The following ZFHX4 variants were observed in gnomAD, a reference collection of about 807,000 sequenced individuals.
ZFHX4 encodes the protein zinc finger homeobox protein 4.
In ZFHX4, 56 loss-of-function variants were observed where a neutral mutation model predicts 267.6. The observed-to-expected ratio is 0.21, with a 90% confidence interval of 0.17 to 0.26. The LOEUF is 0.26. Ranked by LOEUF, ZFHX4 falls within the 10% of genes least tolerant of loss-of-function variation. The pLI, the probability that ZFHX4 is intolerant of heterozygous loss-of-function variation, is 1.00. For synonymous variants in ZFHX4, 1,778 were observed against 1,665.6 expected (o/e 1.07, Z -1.64); for missense variants, 4,332 against 4,420.0 (o/e 0.98, Z 0.56).
intron 5 of ZFHX4, among the ~76,000 whole-genome samples, chr8:76,839,649 GTAATA>G (rs1812183980): frequency 6.6e-6 from 1 of 152,152 alleles, no homozygotes; most frequent in Admixed American, 6.5e-5. Context: ...ATTATTGCAT[GTAATA>G]TATTAGTGAA....
chr8:76,839,650 T>C (rs1812183901), intron 5 of ZFHX4, among the ~76,000 whole-genome samples: 2 of 152,248 alleles, frequency 1.3e-5, no homozygotes, highest in South Asian at 4.1e-4. Context: ...TTATTGCATG[T>C]AATATATTAG....
chr8:76,842,806 C>T (rs1563553273), intron 6 of ZFHX4, 35 bp downstream of exon 6: 1 of 1,448,012 alleles, frequency 6.9e-7, no homozygotes. Context: ...CGGCATTTCC[C>T]TATACCCATT....
rs183778578 is a variant in ZFHX4, at chr8:76,721,122, T to C, written c.3093+13074T>C. 9.2e-5 allele frequency among the ~76,000 whole-genome samples: 14 copies of C among 152,178 alleles called. No homozygotes were observed. In the East Asian group the frequency reaches 2.7e-3, roughly 29 times the overall value. ...ATCTCCTGAGGTAGGAAGAAAAGAA[T>C]GAATGATGAGAAAGGTAAAGATTTA... On this transcript the variant is annotated intron_variant, in intron 3 of 10. Coordinates refer to ENST00000651372, the MANE Select transcript of ZFHX4 (RefSeq NM_024721.5).
intron 3 of ZFHX4, among the ~76,000 whole-genome samples, chr8:76,736,731 T>C (rs1408714258): frequency 2.6e-5 from 4 of 152,148 alleles, no homozygotes; most frequent in Admixed American, 2.0e-4. Context: ...CCATATAGAA[T>C]TGATTTTTGA....
chr8:76,854,208 GC>G lies in ZFHX4; in HGVS notation c.7289del (p.Pro2430HisfsTer2). ...CTTCTCAAGGCACCAAACCAGCCCT[GC>G]CATTAGCATCGACTTCCTCGGACCC... ...PPSQGTKPAL[P>X]LASTSSDPPQ... On this transcript the variant is annotated frameshift_variant, in exon 10 of 11. Transcript: ENST00000651372. LOFTEE classifies it high-confidence loss of function. The G allele has an allele frequency of 6.4e-7, 1 of 1,568,776 alleles. No individual in the cohort carries two copies. Among genetic ancestry groups the G allele is most frequent in the South Asian group, 1.2e-5 (1 of 86,556 alleles).
rs555581357 is a variant in ZFHX4 at position 76,860,362 on chromosome 8, T to C, written c.9380-2732T>C. Among the ~76,000 whole-genome samples the C allele has an allele frequency of 2.0e-5, 3 of 152,186 alleles. No homozygotes were observed. In the East Asian group the frequency reaches 5.8e-4, roughly 29 times the overall value. On this transcript the variant is annotated intron_variant, in intron 10 of 10. Coordinates refer to ENST00000651372, the MANE Select transcript of ZFHX4 (RefSeq NM_024721.5). The stretch of plus-strand genomic sequence containing the variant: ...GGATTATTTGGGATTCCTATTGCAG[T>C]CTTCTAAAAATCTTTATTACTTCAT...
At chr8:76,721,645 T>C (rs1452156920) in intron 3 of ZFHX4, among the ~76,000 whole-genome samples, 1 of 152,334 alleles carries the variant, frequency 6.6e-6, no homozygotes, top group East Asian at 1.9e-4. Context: ...TGTTTAGTCC[T>C]TTGTATCATT....
At chr8:76,749,650 G>A (rs576105545) in intron 3 of ZFHX4, among the ~76,000 whole-genome samples, 1 of 152,182 alleles carries the variant, frequency 6.6e-6, no homozygotes, top group East Asian at 1.9e-4. Flanking sequence ...AGAGATGCTG[G>A]TTTCTAATTT....
intron 4 of ZFHX4, among the ~76,000 whole-genome samples, chr8:76,815,385 A>G (rs994096329): frequency 6.6e-6 from 1 of 152,212 alleles, no homozygotes; most frequent in Non-Finnish European, 1.5e-5. Context: ...GTCCAAGATC[A>G]AGGTGCCAGC....
chr8:76,701,823 G>T (rs1701123024), intron 1 of ZFHX4, among the ~76,000 whole-genome samples: 1 of 152,070 alleles, frequency 6.6e-6, no homozygotes, highest in Non-Finnish European at 1.5e-5. Flanking sequence ...TATCAGATAT[G>T]TGCATCATGC....
chr8:76,863,108 G>C lies in ZFHX4; in HGVS notation c.9394G>C (p.Gly3132Arg). 1 of 1,518,430 alleles carries C rather than the reference G, an allele frequency of 6.6e-7. No homozygotes were observed. The highest frequency in any genetic ancestry group is 8.8e-7 in the Non-Finnish European group (1 of 1,132,390). The allele number at this position is 1,518,430 out of a possible 1,614,324, so 94.1% of individuals were successfully genotyped here. A position where few individuals can be genotyped will look rare whatever the true frequency, so the allele number is the denominator to read the frequency against. Residue 3132 changes from glycine (G) to arginine (R), a missense_variant, in exon 11 of 11, where the codon GGT becomes CGT. Physicochemically the swap from Gly to Arg is moderately radical, Grantham distance 125 (BLOSUM62 -2). Coordinates refer to ENST00000651372, the MANE Select transcript of ZFHX4 (RefSeq NM_024721.5). Reference protein sequence around the residue: ...PQNSNTLTPPGAGMLGFPTSA... With the variant: ...PQNSNTLTPPRAGMLGFPTSA... ...GTTGTTTTCAGCTTTAACACCTCCC[G>C]GTGCAGGCATGCTTGGGTTTCCTAC... is the stretch of plus-strand genomic sequence containing the variant.
At chr8:76,819,087 A>G (rs921833804) in intron 4 of ZFHX4, among the ~76,000 whole-genome samples, 2 of 151,908 alleles carry the variant, frequency 1.3e-5, no homozygotes, top group Non-Finnish European at 2.9e-5. Flanking sequence ...CCCCTTTCAG[A>G]CAAAATGCTT....
intron 4 of ZFHX4, among the ~76,000 whole-genome samples, chr8:76,822,445 T>C (rs557773002): frequency 6.7e-6 from 1 of 150,058 alleles, no homozygotes; most frequent in South Asian, 2.1e-4. Context: ...TGATCCTGTG[T>C]CTACCTCTTT....
intron 3 of ZFHX4, among the ~76,000 whole-genome samples, chr8:76,773,443 A>G (rs1810320181): frequency 6.6e-6 from 1 of 152,178 alleles, no homozygotes; most frequent in Non-Finnish European, 1.5e-5. Context: ...AGATTCAGAT[A>G]TCATGTATAT....
intron 4 of ZFHX4, among the ~76,000 whole-genome samples, chr8:76,830,106 A>C (rs1377674843): frequency 6.6e-6 from 1 of 152,160 alleles, no homozygotes; most frequent in Non-Finnish European, 1.5e-5. Flanking sequence ...TGGGTGTCAT[A>C]ATGCAAATAA....
In ZFHX4 at chr8:76,705,569, G is replaced by C. The variant is rs1356854527; in HGVS notation, c.1481G>C (p.Ser494Thr). Reference protein sequence around the residue: ...DEEVLGELTDSIGNKDFPLLN... With the variant: ...DEEVLGELTDTIGNKDFPLLN... ...GAAGTATTAGGTGAACTCACCGATA[G>C]TATTGGTAACAAAGATTTCCCTCTC... The change falls in exon 2 of 11, where the codon AGT becomes ACT. Residue 494 changes from serine to threonine, a missense_variant. Coordinates refer to ENST00000651372, the MANE Select transcript of ZFHX4 (RefSeq NM_024721.5). The C allele has an allele frequency of 1.2e-6, 2 of 1,613,720 alleles. No individual in the cohort carries two copies. The highest frequency in any genetic ancestry group is 1.1e-5 in the South Asian group (1 of 91,016).
At chr8:76,782,287 G>C (rs1810572028) in intron 4 of ZFHX4, 7 of 385,410 alleles carry the variant, frequency 1.8e-5, no homozygotes, top group South Asian at 1.4e-4. Context: ...TGTACACTCT[G>C]TCTGGCTATG....
intron 3 of ZFHX4, among the ~76,000 whole-genome samples, chr8:76,713,318 T>TA (rs75116374): frequency 6.8e-6 from 1 of 146,480 alleles, no homozygotes; most frequent in Non-Finnish European, 1.5e-5. Context: ...GATAGATAGA[T>TA]GATAGACAGA....
Position 76,734,882 on chromosome 8 carries a change from A to G in ZFHX4, c.3093+26834A>G, listed in dbSNP as rs1809116937. Among the ~76,000 whole-genome samples the G allele has an allele frequency of 2.0e-5, 3 of 152,196 alleles. No homozygotes were observed. In the South Asian group the frequency reaches 6.2e-4, roughly 31 times the overall value. On this transcript the variant is annotated intron_variant, in intron 3 of 10. Coordinates refer to ENST00000651372, the MANE Select transcript of ZFHX4 (RefSeq NM_024721.5). ...TAATAAGAATATTTCCTGAATTTATACAAATTGCTACATGTGCACACAAAT... is the reference window on the plus strand; with the variant it reads ...TAATAAGAATATTTCCTGAATTTATGCAAATTGCTACATGTGCACACAAAT...
Sources: gnomAD v4.1 joint callset for allele counts (sites outside exome capture counted in the v4.1 genomes callset) on GRCh38, gnomAD v4.1.1 for gene constraint, MANE v1.5 for transcripts, NCBI Gene and HGNC (gene_info 2026-07-23, HGNC 2026-07-21) for gene names.